The following ZNF324B variants were observed in gnomAD, a reference collection of about 807,000 sequenced individuals.
ZNF324B encodes the protein zinc finger protein 324B.
In ZNF324B, 7 loss-of-function variants were observed where a neutral mutation model predicts 10.6. The ratio of observed to expected loss-of-function variants is 0.66; its 90% CI spans 0.38 to 1.24. The LOEUF is 1.24. Among genes scored for constraint, ZNF324B ranks in the 50% most tolerant of loss-of-function variants. ZNF324B has a pLI of 0.02. For synonymous variants in ZNF324B, 316 were observed against 321.0 expected, an observed-to-expected ratio of 0.98 and a Z score of 0.17; for missense variants, 640 against 764.7, an observed-to-expected ratio of 0.84 and a Z score of 1.92.
At chr19:58,427,430 CCTTCCTTCCTT>C in the ZNF324B span, among the ~76,000 whole-genome samples, 1 of 30,580 alleles carries the variant, frequency 3.3e-5, no homozygotes. Flanking sequence ...TTCCTTCCTT[CCTTCCTTCCTT>C]CCTTTCCTTT....
chr19:58,431,156 A>G, the ZNF324B span: 2 of 152,292 alleles, frequency 1.3e-5, no homozygotes, highest in East Asian at 3.9e-4. Flanking sequence ...TAAATGGTCT[A>G]CTGTTGGTGA....
upstream of ZNF324B, among the ~76,000 whole-genome samples, chr19:58,446,893 C>G (rs939107024): frequency 2.0e-5 from 3 of 151,632 alleles, no homozygotes; most frequent in African/African-American, 7.3e-5. Flanking sequence ...TTTGTCTTTT[C>G]TTTTTTCTTT....
the ZNF324B span, chr19:58,437,849 C>T: frequency 1.1e-6 from 1 of 950,314 alleles, no homozygotes; most frequent in Non-Finnish European, 1.3e-6. Context: ...GTTCCTTCAA[C>T]CATCAGCTGC....
chr19:58,448,527 A>G (rs976285175), upstream of ZNF324B, among the ~76,000 whole-genome samples: 1 of 152,184 alleles, frequency 6.6e-6, no homozygotes, highest in Non-Finnish European at 1.5e-5. Context: ...GATCAAGACC[A>G]TCCTGGCTAA....
At chr19:58,427,320 T>TTTCTTTCTTTCTTTCTTTCTTTCC in the ZNF324B span, among the ~76,000 whole-genome samples, 9 of 85,684 alleles carry the variant, frequency 1.1e-4, no homozygotes, top group East Asian at 1.9e-3. Context: ...TCTTTCTTTC[T>TTTCTTTCTTTCTTTCTTTCTTTCC]TTCTTTCTTT....
the ZNF324B span, among the ~76,000 whole-genome samples, chr19:58,431,434 C>G: frequency 6.6e-6 from 1 of 152,278 alleles, no homozygotes; most frequent in South Asian, 2.1e-4. Context: ...CCAGGCCACC[C>G]TTCTTTTCTA....
rs1413916400 is a variant in ZNF324B at position 58,457,432 on chromosome 19, T to G, written c.*853T>G. 6.6e-6 allele frequency: 1 copy of G among 152,362 alleles called. No homozygotes were observed. The highest frequency in any genetic ancestry group is 6.5e-5 in the Admixed American group (1 of 15,280). The allele number at this position is 152,362 out of a possible 1,614,324, so 9.4% of individuals were successfully genotyped here. A position where few individuals can be genotyped will look rare whatever the true frequency, so the allele number is the denominator to read the frequency against. On this transcript the variant is annotated 3_prime_UTR_variant, in exon 4 of 4. Transcript: ENST00000336614. ...ACAAAAGTCGATGTGAGGAGGAGCC[T>G]TTACACCTGTGGAGACAGTGATAGC...
At chr19:58,426,391 G>A in the ZNF324B span, among the ~76,000 whole-genome samples, 3 of 152,190 alleles carry the variant, frequency 2.0e-5, no homozygotes, top group Non-Finnish European at 2.9e-5. Flanking sequence ...TTGATGGAGA[G>A]TTTTCTGTGT....
the ZNF324B span, chr19:58,440,856 G>GCGCC: frequency 6.6e-6 from 1 of 152,298 alleles, no homozygotes; most frequent in African/African-American, 2.4e-5. Context: ...GACCCAGTGT[G>GCGCC]CGCCCGGCTG....
the ZNF324B span, among the ~76,000 whole-genome samples, chr19:58,431,544 C>A: frequency 6.6e-6 from 1 of 152,180 alleles, no homozygotes; most frequent in Non-Finnish European, 1.5e-5. Context: ...TATAGGTGTG[C>A]ACCACTGCAC....
At chr19:58,435,102 GTTAGCT>G in the ZNF324B span, 1 of 1,614,222 alleles carries the variant, frequency 6.2e-7, no homozygotes, top group South Asian at 1.1e-5. Context: ...TGTCACAGGA[GTTAGCT>G]TTCTTGGTGG....
chr19:58,427,288 CTTTT>C, the ZNF324B span, among the ~76,000 whole-genome samples: 415 of 79,270 alleles, frequency 5.2e-3, 6 homozygotes, highest in African/African-American at 0.016. Flanking sequence ...CCATGCCTGG[CTTTT>C]TTCTTTCTTT....
chr19:58,418,940 C>G, the ZNF324B span: 1 of 152,160 alleles, frequency 6.6e-6, no homozygotes, highest in African/African-American at 2.4e-5. Context: ...GTTCTGATCC[C>G]TGTGTGTGGA....
chr19:58,425,728 C>T, the ZNF324B span, among the ~76,000 whole-genome samples: 2 of 151,048 alleles, frequency 1.3e-5, no homozygotes, highest in African/African-American at 4.9e-5. Context: ...GCCTGGGCCT[C>T]CCAAAGTGCT....
chr19:58,441,631 G>A, the ZNF324B span: 1 of 152,270 alleles, frequency 6.6e-6, no homozygotes. Context: ...AGACCTGTGA[G>A]TGGAGGTGTC....
Position 58,455,609 on chromosome 19 carries a change from G to A in ZNF324B, c.665G>A (p.Arg222His). The A allele has an allele frequency of 6.2e-7, 1 of 1,614,050 alleles. No homozygotes were observed. Among genetic ancestry groups the A allele is most frequent in the African/African-American group, 1.3e-5 (1 of 75,080 alleles). Residue 222 changes from arginine (R) to histidine (H), a missense_variant, in exon 4 of 4, where the codon CGC (arginine) becomes CAC (histidine). Arg to His is a conservative substitution (Grantham distance 29). Coordinates refer to ENST00000336614, the MANE Select transcript of ZNF324B (RefSeq NM_207395.3). The surrounding 1 kb of genome is among the most constrained non-coding windows in gnomAD (Gnocchi z 7.0). The stretch of plus-strand genomic sequence containing the variant: ...AAGGCCGCCAGTGGTGGCAGGGATC[G>A]CAGAATGGGCGCAGCTTGGCAGGAG... Reference protein sequence around the residue: ...DLKAASGGRDRRMGAAWQEPH... With the variant: ...DLKAASGGRDHRMGAAWQEPH...
the ZNF324B span, chr19:58,434,677 C>T: frequency 1.9e-6 from 3 of 1,614,074 alleles, no homozygotes; most frequent in Non-Finnish European, 2.5e-6. Flanking sequence ...AGAGTGAGTT[C>T]TCAGATGGTT....
In ZNF324B at chr19:58,456,693, A is replaced by G. The variant is rs968451818; in HGVS notation, c.*114A>G. Reference sequence around the variant, plus strand: ...GGGAAAAGCTCTGTGCCTGAGAGTCAGGGACGAGGGAGACCCTTTGGCTGT... The same window carrying G: ...GGGAAAAGCTCTGTGCCTGAGAGTCGGGGACGAGGGAGACCCTTTGGCTGT... On this transcript the variant is annotated 3_prime_UTR_variant, in exon 4 of 4. Coordinates refer to ENST00000336614, the MANE Select transcript of ZNF324B (RefSeq NM_207395.3). The surrounding 1 kb of genome is among the most constrained non-coding windows in gnomAD (Gnocchi z 4.7). 3 of 1,315,894 alleles carry G rather than the reference A, an allele frequency of 2.3e-6. No homozygotes were observed. The African/African-American group carries it at 4.5e-5, about 20-fold the overall frequency. The allele number at this position is 1,315,894 out of a possible 1,614,324, so 81.5% of individuals were successfully genotyped here.
the ZNF324B span, chr19:58,436,819 T>C: frequency 1.5e-6 from 1 of 669,078 alleles, no homozygotes; most frequent in Non-Finnish European, 2.7e-6. Context: ...ATCCCCAACC[T>C]TTGCCTCCAC....
Sources: gnomAD v4.1 joint callset for allele counts (sites outside exome capture counted in the v4.1 genomes callset) on GRCh38, gnomAD v4.1.1 for gene constraint, Gnocchi (gnomAD v3.1) non-coding constraint, MANE v1.5 for transcripts, NCBI Gene and HGNC (gene_info 2026-07-23, HGNC 2026-07-21) for gene names.